DSCAM: variants seen among roughly 807,000 people sequenced by gnomAD.
The protein encoded by DSCAM is DS cell adhesion molecule, also known as cell adhesion molecule DSCAM.
DSCAM carries 47 observed loss-of-function variants against 217.7 expected under a neutral mutation model. The observed-to-expected ratio is 0.22, with a 90% CI of 0.17 to 0.28. DSCAM has a LOEUF of 0.28. Among genes scored for constraint, DSCAM ranks in the 10% least tolerant of loss-of-function variants. The pLI is 1.00. For missense variants in DSCAM, 2,080 were observed against 2,618.3 expected (o/e 0.79, Z 4.49); for synonymous variants, 1,056 against 1,015.3 (o/e 1.04, Z -0.76).
At position 40,012,727 on chromosome 21, in the gene DSCAM, AG is replaced by A. The variant is rs2088079392; in HGVS notation, c.*306del. 1 of 175,944 alleles carries A rather than the reference AG, an allele frequency of 5.7e-6. No homozygotes were observed. The highest frequency in any genetic ancestry group is 2.5e-5 in the African/African-American group (1 of 39,782). 10.9% of individuals were successfully genotyped at this position (175,944 alleles called of 1,614,324 possible). On this transcript the variant is annotated 3_prime_UTR_variant, in exon 33 of 33. Transcript: ENST00000400454. The stretch of plus-strand genomic sequence containing the variant: ...TTGTGTGATAGAACTTCCAGTCAGA[AG>A]GTTTAATTAATCCCCCCCATGCACT...
intron 3 of DSCAM, among the ~76,000 whole-genome samples, chr21:40,481,185 C>T (rs567175728): frequency 1.4e-4 from 21 of 152,272 alleles, no homozygotes; most frequent in Admixed American, 5.2e-4. Flanking sequence ...AAAGTCACTT[C>T]CTGTAGAAAG....
chr21:40,688,040 C>T (rs547357416), intron 3 of DSCAM, among the ~76,000 whole-genome samples: 84 of 152,294 alleles, frequency 5.5e-4, no homozygotes, highest in Non-Finnish European at 1.1e-3. Context: ...AGAAGATAAT[C>T]ATCCTTCGAC....
At chr21:40,598,932 A>G (rs996284099) in intron 3 of DSCAM, among the ~76,000 whole-genome samples, 1 of 152,190 alleles carries the variant, frequency 6.6e-6, no homozygotes, top group East Asian at 1.9e-4. Context: ...GTTTTAATTT[A>G]AAATTATTTA....
chr21:40,495,318 G>A (rs1206611193), intron 3 of DSCAM, among the ~76,000 whole-genome samples: 5 of 151,960 alleles, frequency 3.3e-5, no homozygotes, highest in South Asian at 2.1e-4. Flanking sequence ...ATTCAACAGC[G>A]CACTACAAAG....
At chr21:40,642,855 T>A (rs1236825716) in intron 3 of DSCAM, among the ~76,000 whole-genome samples, 2 of 152,124 alleles carry the variant, frequency 1.3e-5, no homozygotes, top group African/African-American at 4.8e-5. Context: ...CTCTCAAAGA[T>A]TACAGCCTCC....
chr21:40,752,659 C>A (rs972456498), intron 1 of DSCAM, among the ~76,000 whole-genome samples: 3 of 152,122 alleles, frequency 2.0e-5, no homozygotes, highest in East Asian at 1.9e-4. Context: ...TGTACTCCAG[C>A]CTGGGCATCG....
chr21:40,504,206 GAAGAA>G (rs2146042025), intron 3 of DSCAM, among the ~76,000 whole-genome samples: 1 of 152,242 alleles, frequency 6.6e-6, no homozygotes, highest in Non-Finnish European at 1.5e-5. Context: ...GAGAAAAGAG[GAAGAA>G]AAGAGTGGGG....
chr21:40,510,119 A>G (rs1322418627), intron 3 of DSCAM, among the ~76,000 whole-genome samples: 1 of 152,170 alleles, frequency 6.6e-6, no homozygotes, highest in Non-Finnish European at 1.5e-5. Context: ...GCGAGACTCC[A>G]TCTCATAAAA....
At chr21:40,355,884 C>T (rs1393471906) in intron 4 of DSCAM, among the ~76,000 whole-genome samples, 1 of 152,166 alleles carries the variant, frequency 6.6e-6, no homozygotes. Flanking sequence ...TGAGAAAAGA[C>T]AGTGTTTGTC....
rs2089350322 is a variant in DSCAM at position 40,075,312 on chromosome 21, G to C, written c.4712-99C>G. On this transcript the variant is annotated intron_variant, in intron 26 of 32. Coordinates refer to ENST00000400454, the MANE Select transcript of DSCAM (RefSeq NM_001389.5). ...ATAAAAATCGCGCTGTGTGATCCAAGGGTGTTGGAGGTGATGAGAAATGAA... is the reference window on the plus strand; with the variant it reads ...ATAAAAATCGCGCTGTGTGATCCAACGGTGTTGGAGGTGATGAGAAATGAA... 1.1e-5 allele frequency: 14 copies of C among 1,266,682 alleles called. No individual in the cohort carries two copies. In the South Asian group the frequency reaches 1.3e-4, roughly 12 times the overall value. The allele number at this position is 1,266,682 out of a possible 1,614,324, so 78.5% of individuals were successfully genotyped here. A position where few individuals can be genotyped will look rare whatever the true frequency, so the allele number is the denominator to read the frequency against.
chr21:40,541,704 T>A (rs553870862), intron 3 of DSCAM, among the ~76,000 whole-genome samples: 30 of 152,282 alleles, frequency 2.0e-4, no homozygotes, highest in African/African-American at 6.0e-4. Context: ...GTGATGTCAT[T>A]ACATGTATTA....
At chr21:40,364,067 T>C (rs1033900100) in intron 4 of DSCAM, among the ~76,000 whole-genome samples, 1 of 152,204 alleles carries the variant, frequency 6.6e-6, no homozygotes, top group African/African-American at 2.4e-5. Flanking sequence ...GGAACACTTT[T>C]ACACTGTTGG....
chr21:40,651,407 C>G (rs895372044), intron 3 of DSCAM, among the ~76,000 whole-genome samples: 1 of 152,200 alleles, frequency 6.6e-6, no homozygotes, highest in Non-Finnish European at 1.5e-5. Context: ...CTTCCTTAGG[C>G]TCCTGCAGGC....
intron 8 of DSCAM, among the ~76,000 whole-genome samples, chr21:40,317,928 A>T (rs1040381333): frequency 2.6e-5 from 4 of 152,144 alleles, no homozygotes; most frequent in Admixed American, 2.6e-4. Context: ...GACAATCCTG[A>T]AGTCATTAAG....
At chr21:40,047,750 C>T (rs1194870452) in intron 30 of DSCAM, among the ~76,000 whole-genome samples, 2 of 152,118 alleles carry the variant, frequency 1.3e-5, no homozygotes, top group Non-Finnish European at 2.9e-5. Context: ...CTGAACACTC[C>T]CTCATGTAAC....
chr21:40,414,213 T>C (rs757834393), intron 3 of DSCAM, among the ~76,000 whole-genome samples: 13 of 152,018 alleles, frequency 8.6e-5, no homozygotes, highest in Non-Finnish European at 1.9e-4. Flanking sequence ...TAAGAGAAAA[T>C]ATTTACAAAA....
At chr21:40,658,364 G>A (rs1159347357) in intron 3 of DSCAM, among the ~76,000 whole-genome samples, 1 of 152,140 alleles carries the variant, frequency 6.6e-6, no homozygotes, top group Non-Finnish European at 1.5e-5. Context: ...AAGCCCTCTG[G>A]ACAAATGTGC....
At chr21:40,570,735 T>C (rs1193598386) in intron 3 of DSCAM, among the ~76,000 whole-genome samples, 1 of 152,144 alleles carries the variant, frequency 6.6e-6, no homozygotes, top group African/African-American at 2.4e-5. Flanking sequence ...TGTATGATAC[T>C]AGGTAGGAAG....
At chr21:40,736,577 C>A (rs142422363) in intron 1 of DSCAM, among the ~76,000 whole-genome samples, 96 of 152,290 alleles carry the variant, frequency 6.3e-4, no homozygotes, top group African/African-American at 2.1e-3. Flanking sequence ...GTGACTTGGT[C>A]TTTTTGGTGT....
Sources: allele counts gnomAD v4.1 joint callset (sites outside exome capture counted in the v4.1 genomes callset), GRCh38; gene constraint gnomAD v4.1.1; transcripts MANE v1.5; gene names NCBI Gene and HGNC (gene_info 2026-07-23, HGNC 2026-07-21).